TMPRSS4: variants seen among roughly 807,000 people sequenced by gnomAD.
The protein encoded by TMPRSS4 is transmembrane protease serine 4.
In TMPRSS4, 45 loss-of-function variants were observed where a neutral mutation model predicts 56.4. That is an observed-to-expected ratio of 0.80 (90% CI 0.63 to 1.02). TMPRSS4 has a LOEUF of 1.02. Ranked by LOEUF, TMPRSS4 falls within the 50% of genes least tolerant of loss-of-function variation. The pLI is 0.00. For synonymous variants in TMPRSS4, 205 were observed against 211.0 expected, an observed-to-expected ratio of 0.97 and a Z score of 0.25; for missense variants, 546 against 556.7, an observed-to-expected ratio of 0.98 and a Z score of 0.19.
chr11:118,103,852 A>G (rs917223448), intron 4 of TMPRSS4, among the ~76,000 whole-genome samples: 5 of 152,250 alleles, frequency 3.3e-5, no homozygotes, highest in Non-Finnish European at 5.9e-5. Context: ...GCAGAGGGCT[A>G]GACTGGGTGA....
chr11:118,116,527 CTTGTT>C, intron 11 of TMPRSS4, among the ~76,000 whole-genome samples: 1 of 152,162 alleles, frequency 6.6e-6, no homozygotes, highest in East Asian at 1.9e-4. Context: ...CTGGCATTTT[CTTGTT>C]TTGTTATTTG....
At chr11:118,084,024 C>T (rs904258828) in intron 1 of TMPRSS4, among the ~76,000 whole-genome samples, 5 of 152,042 alleles carry the variant, frequency 3.3e-5, no homozygotes, top group African/African-American at 9.7e-5. Context: ...GGCAACAGAG[C>T]GAGACTCCAT....
intron 2 of TMPRSS4, among the ~76,000 whole-genome samples, 170 bp from the exon 3 acceptor site, chr11:118,098,815 G>A (rs1046738098): frequency 1.3e-5 from 2 of 152,154 alleles, no homozygotes; most frequent in African/African-American, 2.4e-5. Flanking sequence ...GGGTAACCAC[G>A]TGCTGTTGAA....
chr11:118,079,280 C>T (rs1944944539), intron 1 of TMPRSS4, among the ~76,000 whole-genome samples: 1 of 152,178 alleles, frequency 6.6e-6, no homozygotes, highest in African/African-American at 2.4e-5. Flanking sequence ...GATCTCCACA[C>T]CCAGGCTCAG....
chr11:118,089,529 A>G (rs933067527), intron 1 of TMPRSS4, among the ~76,000 whole-genome samples: 1 of 152,184 alleles, frequency 6.6e-6, no homozygotes, highest in African/African-American at 2.4e-5. Flanking sequence ...TAACAATGTA[A>G]TAAGCCTCCA....
At chr11:118,099,457 GAGAA>G (rs1555085801) in intron 3 of TMPRSS4, among the ~76,000 whole-genome samples, 16 of 25,326 alleles carry the variant, frequency 6.3e-4, no homozygotes, top group Middle Eastern at 0.034. Flanking sequence ...GAGAGAAAGA[GAGAA>G]AGAAAGAAAG....
chr11:118,113,319 T>C lies in TMPRSS4; in HGVS notation c.794T>C (p.Leu265Pro). The C allele has an allele frequency of 6.2e-7, 1 of 1,614,110 alleles. No individual in the cohort carries two copies. Among genetic ancestry groups the C allele is most frequent in the Non-Finnish European group, 8.5e-7 (1 of 1,180,006 alleles). The change falls in exon 9 of 13, where the codon CTG becomes CCG. Residue 265 changes from leucine to proline, a missense_variant. Leu to Pro is a moderately conservative substitution (Grantham distance 98, BLOSUM62 -3). Coordinates refer to ENST00000437212, the MANE Select transcript of TMPRSS4 (RefSeq NM_019894.4). ...NWKVRAGSDKLGSFPSLAVAK... is the reference protein window; with the variant it reads ...NWKVRAGSDKPGSFPSLAVAK... ...AAGGTGCGGGCAGGCTCAGACAAAC[T>C]GGGCAGCTTCCCATCCCTGGCTGTG...
chr11:118,112,010 A>C, intron 8 of TMPRSS4, 110 bp downstream of exon 8: 1 of 1,454,674 alleles, frequency 6.9e-7, no homozygotes, highest in Middle Eastern at 1.8e-4. Context: ...CCCACTAGAG[A>C]CGTTTTCCAG....
chr11:118,086,389 A>G (rs1249860100), intron 1 of TMPRSS4, among the ~76,000 whole-genome samples: 3 of 152,238 alleles, frequency 2.0e-5, no homozygotes, highest in East Asian at 1.9e-4. Context: ...GTCAGCACCT[A>G]TGTGGTTTAG....
downstream of TMPRSS4, among the ~76,000 whole-genome samples, chr11:118,123,802 G>A (rs1947841117): frequency 6.6e-6 from 1 of 152,052 alleles, no homozygotes; most frequent in South Asian, 2.1e-4. Context: ...GGGATTACAG[G>A]GGTGAGCCAC....
chr11:118,115,522 C>A (rs556771146), intron 11 of TMPRSS4: 1 of 490,480 alleles, frequency 2.0e-6, no homozygotes, highest in Admixed American at 3.3e-5. Context: ...CTTTCACATT[C>A]GAAGATGATG....
downstream of TMPRSS4, among the ~76,000 whole-genome samples, chr11:118,124,256 G>A (rs1288542976): frequency 1.3e-5 from 2 of 152,080 alleles, no homozygotes; most frequent in African/African-American, 2.4e-5. Flanking sequence ...GTGGTGGTGC[G>A]TGCCTGTAGT....
At chr11:118,078,023 A>C (rs1489653650) in intron 1 of TMPRSS4, among the ~76,000 whole-genome samples, 1 of 37,418 alleles carries the variant, frequency 2.7e-5, no homozygotes, top group Non-Finnish European at 5.0e-5. Context: ...CAAAAAAAAA[A>C]AAAAAAAAAA....
intron 1 of TMPRSS4, among the ~76,000 whole-genome samples, chr11:118,083,353 C>A (rs1172533400): frequency 2.6e-5 from 4 of 152,204 alleles, no homozygotes; most frequent in African/African-American, 7.2e-5. Flanking sequence ...CCCTCTCTTC[C>A]GAGAGAGTTC....
chr11:118,091,199 T>A (rs1339656697), intron 1 of TMPRSS4, among the ~76,000 whole-genome samples: 2 of 152,152 alleles, frequency 1.3e-5, no homozygotes, highest in African/African-American at 4.8e-5. Context: ...ATTGTTTGTA[T>A]CTTCCAAACA....
intron 5 of TMPRSS4, chr11:118,106,678 T>TCTCAAAACCAC (rs1246536876): frequency 3.3e-5 from 5 of 152,324 alleles, no homozygotes; most frequent in Non-Finnish European, 1.5e-5. Context: ...GAGACCGAGT[T>TCTCAAAACCAC]TCACCATGTT....
downstream of TMPRSS4, chr11:118,125,167 C>G (rs1320838198): frequency 2.3e-6 from 1 of 427,026 alleles, no homozygotes; most frequent in Non-Finnish European, 4.8e-6. Context: ...GCTCTGACTT[C>G]CCCAGGGCTT....
Position 118,107,875 on chromosome 11 carries a change from G to C in TMPRSS4, c.542G>C (p.Gly181Ala). ...SQELRMRNSS[G>A]PCLSGSLVSL... The stretch of plus-strand genomic sequence containing the variant: ...GAGCTTCGCATGCGGAACTCAAGTG[G>C]GTAAGTGAGGGGACACCTTCTGGCC... Residue 181 changes from glycine (G) to alanine (A), a missense_variant and splice_region_variant, in exon 6 of 13, where the codon GGG (glycine) becomes GCG (alanine). Coordinates refer to ENST00000437212, the MANE Select transcript of TMPRSS4 (RefSeq NM_019894.4). 1 of 1,613,354 alleles carries C rather than the reference G, an allele frequency of 6.2e-7. No homozygotes were observed. The highest frequency in any genetic ancestry group is 1.1e-5 in the South Asian group (1 of 90,972).
chr11:118,083,487 C>T (rs1231878104), intron 1 of TMPRSS4, among the ~76,000 whole-genome samples: 1 of 152,214 alleles, frequency 6.6e-6, no homozygotes, highest in Non-Finnish European at 1.5e-5. Context: ...AAAAGTCGCT[C>T]TTTGCTCAGT....
Sources: gnomAD v4.1 joint callset for allele counts (sites outside exome capture counted in the v4.1 genomes callset) on GRCh38, gnomAD v4.1.1 for gene constraint, MANE v1.5 for transcripts, NCBI Gene and HGNC (gene_info 2026-07-23, HGNC 2026-07-21) for gene names.